The following BCL2L11 variants were observed in gnomAD, a reference collection of about 807,000 sequenced individuals.
BCL2L11 encodes the protein bcl-2-like protein 11.
Under a neutral mutation model 20.6 loss-of-function variants are expected in BCL2L11, and 15 were observed. The observed-to-expected ratio is 0.73, with a 90% CI of 0.49 to 1.12. The LOEUF is 1.12. Among genes scored for constraint, BCL2L11 ranks in the 50% most tolerant of loss-of-function variants. The pLI is 0.00. For synonymous variants in BCL2L11, 108 were observed against 92.8 expected, an observed-to-expected ratio of 1.16 and a Z score of -0.94; for missense variants, 292 against 260.9, an observed-to-expected ratio of 1.12 and a Z score of -0.82.
chr2:111,124,270 G>A (rs1455395389), intron 2 of BCL2L11, 131 bp downstream of exon 2: 14 of 1,136,458 alleles, frequency 1.2e-5, no homozygotes, highest in African/African-American at 3.2e-5. Flanking sequence ...GGGAATGGAG[G>A]ATGTGTCAAA....
chr2:111,164,049 G>A, intron 3 of BCL2L11, 84 bp from the exon 4 acceptor site: 1 of 866,950 alleles, frequency 1.2e-6, no homozygotes, highest in East Asian at 2.5e-5. Flanking sequence ...AGATGGGATT[G>A]GTTGTTCACT....
intron 2 of BCL2L11, among the ~76,000 whole-genome samples, chr2:111,127,385 A>G (rs1426215110): frequency 6.6e-6 from 1 of 151,036 alleles, no homozygotes; most frequent in East Asian, 2.0e-4. Flanking sequence ...GTTCCCTGGC[A>G]CATTGGAATT....
intron 2 of BCL2L11, among the ~76,000 whole-genome samples, chr2:111,138,325 T>C (rs2075279226): frequency 6.6e-6 from 1 of 152,246 alleles, no homozygotes; most frequent in Admixed American, 6.5e-5. Flanking sequence ...TGGTCTTTTC[T>C]GTGTGCCTTT....
intron 3 of BCL2L11, chr2:111,163,454 C>CATT (rs2078817027): frequency 6.6e-6 from 1 of 152,322 alleles, no homozygotes; most frequent in South Asian, 2.1e-4. Context: ...ACCCTGAAAG[C>CATT]ATTGGATAAG....
rs559538862 is a variant in BCL2L11 at position 111,146,355 on chromosome 2, A to T, written c.395-3689A>T. 38 of 582,868 alleles carry T rather than the reference A, an allele frequency of 6.5e-5. 1 individual carries two copies. The South Asian group carries it at 2.6e-3, about 40-fold the overall frequency. The allele number at this position is 582,868 out of a possible 1,614,324, so 36.1% of individuals were successfully genotyped here. Reference sequence around the variant, plus strand: ...AATAAAATATTTATGCTTGGTTCTTACTTTTCTTATAAACTAGAAATGTCA... The same window carrying T: ...AATAAAATATTTATGCTTGGTTCTTTCTTTTCTTATAAACTAGAAATGTCA... On this transcript the variant is annotated intron_variant, in intron 2 of 3. Coordinates refer to ENST00000393256, the MANE Select transcript of BCL2L11 (RefSeq NM_138621.5).
chr2:111,150,165 A>G lies in BCL2L11; in HGVS notation c.498+18A>G, dbSNP rs1288799402. 5.6e-6 allele frequency: 9 copies of G among 1,611,628 alleles called. No individual in the cohort carries two copies. Among genetic ancestry groups the G allele is most frequent in the Non-Finnish European group, 7.6e-6 (9 of 1,178,706 alleles). On this transcript the variant is annotated intron_variant, in intron 3 of 3. Transcript: ENST00000393256. The stretch of plus-strand genomic sequence containing the variant: ...CAAGGAGGGTAATGATGTTTTCTTT[A>G]CCCGCTTTTCTGCTCACACCCTCCC...
chr2:111,154,034 T>A, intron 3 of BCL2L11: 1 of 1,055,230 alleles, frequency 9.5e-7, no homozygotes, highest in Non-Finnish European at 1.2e-6. Flanking sequence ...TGGATTTTGG[T>A]AACTTCATTT....
rs571943665 is a variant in BCL2L11 at position 111,167,746 on chromosome 2, T to G, written c.*3515T>G. On this transcript the variant is annotated 3_prime_UTR_variant, in exon 4 of 4. Coordinates refer to ENST00000393256, the MANE Select transcript of BCL2L11 (RefSeq NM_138621.5). Reference sequence around the variant, plus strand: ...TCCTGTGCTTTGAGGTTGGACTAACTTGTCTTCAGGAGCTAATTAACTGTA... The same window carrying G: ...TCCTGTGCTTTGAGGTTGGACTAACGTGTCTTCAGGAGCTAATTAACTGTA... The G allele has an allele frequency of 4.6e-4, 70 of 152,520 alleles. No individual in the cohort carries two copies. The highest frequency in any genetic ancestry group is 1.6e-3 in the African/African-American group (68 of 41,566). 9.4% of individuals were successfully genotyped at this position (152,520 alleles called of 1,614,324 possible).
At chr2:111,150,395 A>G (rs1038994484) in intron 3 of BCL2L11, 22 of 584,182 alleles carry the variant, frequency 3.8e-5, no homozygotes, top group South Asian at 5.8e-5. Context: ...CTTTAAAACA[A>G]TGCTAAAAAA....
intron 2 of BCL2L11, chr2:111,146,180 T>C: frequency 3.0e-6 from 3 of 985,316 alleles, no homozygotes; most frequent in Middle Eastern, 5.2e-4. Flanking sequence ...CTCATCAGAA[T>C]TTCCCCTTTG....
intron 1 of BCL2L11, chr2:111,122,560 G>T: frequency 2.1e-6 from 2 of 970,558 alleles, no homozygotes; most frequent in South Asian, 9.4e-5. Context: ...GACCAATTGG[G>T]AACGCGGGCA....
chr2:111,151,814 G>C (rs1201799746), intron 3 of BCL2L11: 2 of 1,537,524 alleles, frequency 1.3e-6, no homozygotes, highest in African/African-American at 2.8e-5. Context: ...TTAAAATACT[G>C]TCTTAAGCTG....
rs73954954 is a variant in BCL2L11 at position 111,140,875 on chromosome 2, C to A, written c.395-9169C>A. On this transcript the variant is annotated intron_variant, in intron 2 of 3. Transcript: ENST00000393256. ...AGCGTTTAATGCAATATACGAGTGCCACCAGTTCCTTCTCTTTTCACTTGG... is the reference window on the plus strand; with the variant it reads ...AGCGTTTAATGCAATATACGAGTGCAACCAGTTCCTTCTCTTTTCACTTGG... 5.8e-3 allele frequency among the ~76,000 whole-genome samples: 879 copies of A among 152,308 alleles called. 4 individuals are homozygous for A. The highest frequency in any genetic ancestry group is 0.02 in the African/African-American group (818 of 41,546).
intron 1 of BCL2L11, among the ~76,000 whole-genome samples, chr2:111,121,753 G>T (rs2070996721): frequency 6.6e-6 from 1 of 152,214 alleles, no homozygotes; most frequent in Non-Finnish European, 1.5e-5. Context: ...TGCTGCGTTC[G>T]CTTTCTCAAG....
intron 2 of BCL2L11, chr2:111,130,308 TG>T: frequency 3.8e-6 from 1 of 265,158 alleles, no homozygotes. Context: ...TTCACCATGT[TG>T]GCCAGGCTGG....
At chr2:111,157,767 A>G (rs1375049972) in intron 3 of BCL2L11, among the ~76,000 whole-genome samples, 1 of 152,258 alleles carries the variant, frequency 6.6e-6, no homozygotes, top group Non-Finnish European at 1.5e-5. Context: ...TGTCAAAAAT[A>G]GGATAAAAGT....
rs368587284 is a variant in BCL2L11, at chr2:111,139,449, A to G, written c.395-10595A>G. ...TACTTTTTCCCAAAATAAGGGATACATTGGTTGCTCGTGGATTTAACATTA... is the reference window on the plus strand; with the variant it reads ...TACTTTTTCCCAAAATAAGGGATACGTTGGTTGCTCGTGGATTTAACATTA... On this transcript the variant is annotated intron_variant, in intron 2 of 3. Coordinates refer to ENST00000393256, the MANE Select transcript of BCL2L11 (RefSeq NM_138621.5). 8.5e-5 allele frequency among the ~76,000 whole-genome samples: 13 copies of G among 152,346 alleles called. No homozygotes were observed. The South Asian group carries it at 2.7e-3, about 32-fold the overall frequency.
intron 2 of BCL2L11, among the ~76,000 whole-genome samples, chr2:111,129,751 C>G (rs887981277): frequency 6.6e-6 from 1 of 152,160 alleles, no homozygotes; most frequent in Non-Finnish European, 1.5e-5. Flanking sequence ...CTCATGGTAC[C>G]TTTTTATAGC....
intron 2 of BCL2L11, among the ~76,000 whole-genome samples, chr2:111,125,736 C>T (rs751337524): frequency 2.2e-4 from 34 of 152,124 alleles, no homozygotes; most frequent in Non-Finnish European, 4.6e-4. Context: ...AGCAGCTACA[C>T]ATGCTGGCTG....
Sources: gnomAD v4.1 joint callset for allele counts (sites outside exome capture counted in the v4.1 genomes callset) on GRCh38, gnomAD v4.1.1 for gene constraint, MANE v1.5 for transcripts, NCBI Gene and HGNC (gene_info 2026-07-23, HGNC 2026-07-21) for gene names.